Variants in GRHL2 observed in about 807,000 individuals in gnomAD.
GRHL2 encodes grainyhead-like protein 2 homolog.
GRHL2 carries 21 observed loss-of-function variants against 83.8 expected under a neutral mutation model. The ratio of observed to expected loss-of-function variants is 0.25; its 90% CI spans 0.18 to 0.36. GRHL2 has a LOEUF of 0.36. Ranked by LOEUF, GRHL2 falls within the 10% of genes least tolerant of loss-of-function variation. The probability of loss-of-function intolerance (pLI) is 1.00; values close to 1 mark genes in which losing one functional copy is unlikely to be tolerated. For missense variants in GRHL2, 623 were observed against 781.8 expected, an observed-to-expected ratio of 0.80 and a Z score of 2.42; for synonymous variants, 280 against 278.9, an observed-to-expected ratio of 1.00 and a Z score of -0.04.
chr8:101,557,741 A>T (rs1811517115), intron 3 of GRHL2, among the ~76,000 whole-genome samples: 1 of 152,150 alleles, frequency 6.6e-6, no homozygotes, highest in South Asian at 2.1e-4. Context: ...AATTTAGGTC[A>T]GTAGGATGTG....
At chr8:101,650,964 T>G (rs1229762298) in intron 14 of GRHL2, among the ~76,000 whole-genome samples, 2 of 152,182 alleles carry the variant, frequency 1.3e-5, no homozygotes, top group Admixed American at 1.3e-4. Context: ...AACACACTGA[T>G]GGAGGATTAG....
intron 9 of GRHL2, among the ~76,000 whole-genome samples, chr8:101,625,756 G>C (rs1053511700): frequency 2.6e-5 from 4 of 152,074 alleles, no homozygotes; most frequent in East Asian, 1.9e-4. Flanking sequence ...TTTACGTATC[G>C]GTCAGTAAAT....
At chr8:101,539,471 G>A (rs369616319) in intron 1 of GRHL2, among the ~76,000 whole-genome samples, 31 of 152,232 alleles carry the variant, frequency 2.0e-4, no homozygotes, top group African/African-American at 7.0e-4. Context: ...ATCGTGGGGG[G>A]CCGGTGACAT....
chr8:101,533,889 T>C (rs1364256667), intron 1 of GRHL2, among the ~76,000 whole-genome samples: 2 of 152,052 alleles, frequency 1.3e-5, no homozygotes, highest in Non-Finnish European at 2.9e-5. Context: ...GAGAATAGAC[T>C]GTAGAAGTAA....
At chr8:101,515,293 T>C (rs1370530248) in intron 1 of GRHL2, among the ~76,000 whole-genome samples, 2 of 152,062 alleles carry the variant, frequency 1.3e-5, no homozygotes, top group Non-Finnish European at 2.9e-5. Flanking sequence ...AAATGTCTTA[T>C]GATGCTTACA....
At chr8:101,607,964 G>C (rs1025337922) in intron 8 of GRHL2, among the ~76,000 whole-genome samples, 2 of 152,306 alleles carry the variant, frequency 1.3e-5, no homozygotes, top group Admixed American at 1.3e-4. Flanking sequence ...ATGGTTTCTG[G>C]ACTGAATTTT....
intron 7 of GRHL2, among the ~76,000 whole-genome samples, chr8:101,585,771 C>T (rs1230242602): frequency 6.6e-6 from 1 of 152,212 alleles, no homozygotes; most frequent in Admixed American, 6.5e-5. Context: ...TGCAAGTGTT[C>T]TCTAAAGTTT....
chr8:101,674,409 A>G (rs567038202), downstream of GRHL2, among the ~76,000 whole-genome samples: 52 of 152,312 alleles, frequency 3.4e-4, no homozygotes, highest in Non-Finnish European at 4.7e-4. Flanking sequence ...ACAAACTACC[A>G]TCAGAGAATA....
rs891221680 is a variant in GRHL2, at chr8:101,581,867, T to C, written c.1003+4348T>C. Among the ~76,000 whole-genome samples, 9 of 152,264 alleles carry C rather than the reference T, an allele frequency of 5.9e-5. No individual in the cohort carries two copies. In the East Asian group the frequency reaches 1.4e-3, roughly 23 times the overall value. On this transcript the variant is annotated intron_variant, in intron 7 of 15. Coordinates refer to ENST00000646743, the MANE Select transcript of GRHL2 (RefSeq NM_024915.4). ...CTCATCTGAAAGGATAACTAGGGCA[T>C]GTGAGGTCAAAAAGGTAGGAAGGGT...
At chr8:101,514,413 G>A (rs1490841143) in intron 1 of GRHL2, among the ~76,000 whole-genome samples, 1 of 152,210 alleles carries the variant, frequency 6.6e-6, no homozygotes, top group Non-Finnish European at 1.5e-5. Flanking sequence ...GAATGGAGTA[G>A]GGGAGCTACG....
Position 101,545,870 on chromosome 8 carries a change from ATTTTTTTTTTTTT to A in GRHL2, c.216+2452_216+2464del, listed in dbSNP as rs1174568425. Among the ~76,000 whole-genome samples the A allele has an allele frequency of 1.1e-3, 93 of 83,626 alleles. 1 individual carries two copies. The Middle Eastern group carries it at 0.037, about 34-fold the overall frequency. The allele number at this position is 83,626 out of a possible 152,430, so 54.9% of individuals were successfully genotyped here. On this transcript the variant is annotated intron_variant, in intron 2 of 15. Transcript: ENST00000646743. ...GATCATTACAACTTCTCTTTGTAAC[ATTTTTTTTTTTTT>A]TTTTTTTTTTTTTTTTTGAGATGGA...
intron 8 of GRHL2, among the ~76,000 whole-genome samples, chr8:101,609,002 G>A (rs2130341287): frequency 6.6e-6 from 1 of 150,642 alleles, no homozygotes; most frequent in East Asian, 1.9e-4. Flanking sequence ...TCAGGAGAGT[G>A]TGACACTCAG....
chr8:101,613,633 T>C (rs1812796565), intron 8 of GRHL2, among the ~76,000 whole-genome samples: 1 of 151,022 alleles, frequency 6.6e-6, no homozygotes, highest in Non-Finnish European at 1.5e-5. Context: ...TACAATCCTA[T>C]CAAAGTGGAA....
intron 1 of GRHL2, among the ~76,000 whole-genome samples, chr8:101,522,723 A>G (rs1810712169): frequency 6.7e-6 from 1 of 149,300 alleles, no homozygotes; most frequent in Non-Finnish European, 1.5e-5. Flanking sequence ...AAGTATGTTT[A>G]TACATATACA....
At chr8:101,677,561 CCTGT>C in the GRHL2 span, among the ~76,000 whole-genome samples, 2 of 152,018 alleles carry the variant, frequency 1.3e-5, no homozygotes, top group African/African-American at 2.4e-5. Flanking sequence ...AGTGTCTTTA[CCTGT>C]CTGTCTTCAT....
intron 4 of GRHL2, among the ~76,000 whole-genome samples, chr8:101,563,714 T>G (rs866120193): frequency 6.6e-6 from 1 of 151,564 alleles, no homozygotes; most frequent in South Asian, 2.1e-4. Flanking sequence ...AACTTATTTT[T>G]TTTTTGTTTT....
intron 7 of GRHL2, among the ~76,000 whole-genome samples, chr8:101,597,930 C>T (rs1201586477): frequency 6.6e-6 from 1 of 151,852 alleles, no homozygotes; most frequent in Non-Finnish European, 1.5e-5. Flanking sequence ...TACAGAGTGC[C>T]AGTTAAATTT....
intron 12 of GRHL2, among the ~76,000 whole-genome samples, chr8:101,637,628 G>A (rs996809074): frequency 6.6e-6 from 1 of 152,182 alleles, no homozygotes; most frequent in Non-Finnish European, 1.5e-5. Flanking sequence ...ACCTCCTCTC[G>A]TAGATCATGG....
At chr8:101,565,764 C>T (rs1337527243) in intron 4 of GRHL2, among the ~76,000 whole-genome samples, 9 of 152,298 alleles carry the variant, frequency 5.9e-5, no homozygotes, top group Middle Eastern at 3.4e-3. Flanking sequence ...TCCCATTAGT[C>T]CTCCCATGTG....
Sources: gnomAD v4.1 joint callset for allele counts (sites outside exome capture counted in the v4.1 genomes callset) on GRCh38, gnomAD v4.1.1 for gene constraint, MANE v1.5 for transcripts, NCBI Gene and HGNC (gene_info 2026-07-23, HGNC 2026-07-21) for gene names.